Variants in SEMA4B observed in about 807,000 individuals in gnomAD.
SEMA4B encodes the protein semaphorin-4B.
A neutral mutation model predicts 88.1 loss-of-function variants in SEMA4B; 55 were observed. That is an observed-to-expected ratio of 0.62 (90% CI 0.50 to 0.78). SEMA4B has a LOEUF of 0.78. Ranked by LOEUF, SEMA4B falls within the 30% of genes least tolerant of loss-of-function variation. The probability of loss-of-function intolerance (pLI) is 0.00; values close to 1 mark genes in which losing one functional copy is unlikely to be tolerated. For synonymous variants in SEMA4B, 525 were observed against 473.6 expected (o/e 1.11, Z -1.41); for missense variants, 1,062 against 1,111.9 (o/e 0.96, Z 0.64).
intron 12 of SEMA4B, chr15:90,227,148 A>G (rs1347060666): frequency 1.1e-5 from 2 of 183,998 alleles, no homozygotes; most frequent in African/African-American, 2.4e-5. Context: ...GGCTCAAGCA[A>G]TCGATCCTCC....
rs193115560 is a variant in SEMA4B, at chr15:90,188,708, G to A, written c.-122+3627G>A. Among the ~76,000 whole-genome samples, 20 of 152,012 alleles carry A rather than the reference G, an allele frequency of 1.3e-4. No individual in the cohort carries two copies. In the East Asian group the frequency reaches 3.7e-3, roughly 28 times the overall value. On this transcript the variant is annotated intron_variant, in intron 1 of 14. Coordinates refer to the SEMA4B transcript ENST00000332496. ...TGTTTGTTTTTTGAGACAGAGTCTC[G>A]CTCACTCTGGGTGCAGTGGCGCTAT...
chr15:90,211,862 C>G (rs1961283755), intron 1 of SEMA4B, among the ~76,000 whole-genome samples: 1 of 152,172 alleles, frequency 6.6e-6, no homozygotes, highest in African/African-American at 2.4e-5. Context: ...CTGGCCTGAT[C>G]CTGCTGGGGC....
chr15:90,209,286 C>A (rs942378869), intron 1 of SEMA4B, among the ~76,000 whole-genome samples: 12 of 152,104 alleles, frequency 7.9e-5, no homozygotes, highest in African/African-American at 2.9e-4. Flanking sequence ...CGCGGTGGCT[C>A]ACACCTGTAA....
At chr15:90,198,490 C>G (rs1453014029), upstream of SEMA4B, among the ~76,000 whole-genome samples, 1 of 152,102 alleles carries the variant, frequency 6.6e-6, no homozygotes. Flanking sequence ...ACTAATATAT[C>G]GTATGTTATT....
chr15:90,216,146 G>A (rs1357105032), intron 1 of SEMA4B, among the ~76,000 whole-genome samples: 11 of 151,892 alleles, frequency 7.2e-5, no homozygotes, highest in African/African-American at 2.2e-4. Context: ...GTGCTACTAC[G>A]CCTGGCTAAT....
chr15:90,218,475 T>A (rs761290760), intron 3 of SEMA4B, among the ~76,000 whole-genome samples: 2 of 152,212 alleles, frequency 1.3e-5, no homozygotes, highest in African/African-American at 4.8e-5. Context: ...CATGTACTTT[T>A]AGGTACTGGA....
Position 90,219,838 on chromosome 15 carries a change from A to C in SEMA4B, c.430A>C (p.Ser144Arg). The C allele has an allele frequency of 6.2e-7, 1 of 1,613,650 alleles. No homozygotes were observed. The highest frequency in any genetic ancestry group is 8.5e-7 in the Non-Finnish European group (1 of 1,179,834). ...CAAGATCCTCCTGCCGCTCAGCGGC[A>C]GTCACCTGTTCACCTGTGGCACAGC... ...YIKILLPLSGSHLFTCGTAAF... is the reference protein window; with the variant it reads ...YIKILLPLSGRHLFTCGTAAF... Residue 144 changes from serine to arginine, a missense_variant, in exon 4 of 14, where the codon AGT (serine) becomes CGT (arginine). By Grantham distance (110) the Ser-to-Arg change is moderately radical (BLOSUM62 -1). Coordinates refer to ENST00000411539, the MANE Select transcript of SEMA4B (RefSeq NM_198925.4).
intron 1 of SEMA4B, among the ~76,000 whole-genome samples, chr15:90,201,972 G>T (rs1359270162): frequency 6.6e-6 from 1 of 152,158 alleles, no homozygotes; most frequent in East Asian, 1.9e-4. Context: ...GGTCTAGCCC[G>T]CTCTGTCGTC....
At chr15:90,225,851 C>T (rs1421196119) in intron 12 of SEMA4B, 24 bp downstream of exon 12, 5 of 1,492,582 alleles carry the variant, frequency 3.3e-6, no homozygotes, top group Non-Finnish European at 4.5e-6. Context: ...AAGGCCCCTT[C>T]CCATCTGTCC....
chr15:90,187,464 C>G (rs536978659), intron 1 of SEMA4B, among the ~76,000 whole-genome samples: 1 of 152,272 alleles, frequency 6.6e-6, no homozygotes, highest in African/African-American at 2.4e-5. Context: ...CAGGCCTTGT[C>G]CCTGCATTCA....
chr15:90,199,670 C>CA (rs1306245038), upstream of SEMA4B, among the ~76,000 whole-genome samples: 2 of 151,890 alleles, frequency 1.3e-5, no homozygotes, highest in Admixed American at 6.6e-5. Context: ...ATTAAAAATA[C>CA]AAAAAATTAG....
At chr15:90,227,673 G>C in intron 13 of SEMA4B, 31 bp downstream of exon 13, 2 of 1,609,494 alleles carry the variant, frequency 1.2e-6, no homozygotes, top group Non-Finnish European at 1.7e-6. Flanking sequence ...GTGGAGGAGA[G>C]AGGTGGGGAC....
intron 1 of SEMA4B, among the ~76,000 whole-genome samples, chr15:90,188,233 C>T (rs1244319558): frequency 6.6e-5 from 10 of 151,984 alleles, no homozygotes; most frequent in Admixed American, 6.6e-4. Context: ...GTAGAAGGAT[C>T]ACCTGAGCCA....
intron 1 of SEMA4B, among the ~76,000 whole-genome samples, chr15:90,203,579 A>G (rs1021984306): frequency 6.6e-5 from 10 of 152,156 alleles, no homozygotes; most frequent in African/African-American, 2.4e-4. Flanking sequence ...AGCAGCTAGA[A>G]TACTTGGTTA....
Position 90,225,009 on chromosome 15 carries a change from C to T in SEMA4B, c.1236C>T (p.Ser412=), listed in dbSNP as rs1352301355. 1 of 1,613,996 alleles carries T rather than the reference C, an allele frequency of 6.2e-7. No individual in the cohort carries two copies. The change falls in exon 10 of 14, where the codon TCC becomes TCT. Residue 412 remains serine, a synonymous_variant. Coordinates refer to ENST00000411539, the MANE Select transcript of SEMA4B (RefSeq NM_198925.4). Reference sequence around the variant, plus strand: ...CCCGGGAAAGGAAGATCAACTCATCCCTGCAGCTCCCAGACCGCGTGCTGA... The same window carrying T: ...CCCGGGAAAGGAAGATCAACTCATCTCTGCAGCTCCCAGACCGCGTGCTGA... The part of the protein sequence containing the change: ...NSARERKINS[S]LQLPDRVLNF...
intron 1 of SEMA4B, chr15:90,206,869 C>A (rs1017054934): frequency 8.4e-6 from 6 of 712,414 alleles, no homozygotes; most frequent in Non-Finnish European, 1.0e-5. Context: ...GGGGAAACCC[C>A]GTAAAGTGGT....
chr15:90,209,972 G>C (rs1961184311), intron 1 of SEMA4B, among the ~76,000 whole-genome samples: 1 of 152,234 alleles, frequency 6.6e-6, no homozygotes, highest in Admixed American at 6.5e-5. Context: ...ACGGCTCCCA[G>C]AGAGCCCTCT....
Position 90,201,636 on chromosome 15 carries a change from C to T in SEMA4B, c.58C>T (p.Pro20Ser). The change falls in exon 1 of 14, where the codon CCG (proline) becomes TCG (serine). Residue 20 changes from proline to serine, a missense_variant. Physicochemically the swap from Pro to Ser is moderately conservative, Grantham distance 74. Coordinates refer to ENST00000411539, the MANE Select transcript of SEMA4B (RefSeq NM_198925.4). ...GCTCGCCGCCCCATGGGGCGCGCTG[C>T]CGCCTCGGCCACCGCTGCTGCTGCT... ...SWLAAPWGAL[P>S]PRPPLLLLLL... The T allele has an allele frequency of 6.6e-7, 1 of 1,516,770 alleles. No individual in the cohort carries two copies. Among genetic ancestry groups the T allele is most frequent in the East Asian group, 2.6e-5 (1 of 38,278 alleles). 94.0% of individuals were successfully genotyped at this position (1,516,770 alleles called of 1,614,324 possible). A position where few individuals can be genotyped will look rare whatever the true frequency, so the allele number is the denominator to read the frequency against.
chr15:90,186,793 C>A (rs1004591046), intron 1 of SEMA4B, among the ~76,000 whole-genome samples: 14 of 151,880 alleles, frequency 9.2e-5, no homozygotes, highest in African/African-American at 3.4e-4. Flanking sequence ...ATTAGCCAGA[C>A]GTGGTGGTGG....
Sources: gnomAD v4.1 joint callset for allele counts (sites outside exome capture counted in the v4.1 genomes callset) on GRCh38, gnomAD v4.1.1 for gene constraint, MANE v1.5 for transcripts, NCBI Gene and HGNC (gene_info 2026-07-23, HGNC 2026-07-21) for gene names.